The following HIKESHI variants were observed in gnomAD, a reference collection of about 807,000 sequenced individuals.
HIKESHI encodes the protein protein Hikeshi.
In HIKESHI, 13 loss-of-function variants were observed where a neutral mutation model predicts 25.7. The observed-to-expected ratio is 0.51, with a 90% confidence interval of 0.33 to 0.80. HIKESHI has a LOEUF of 0.80. Ranked by LOEUF, HIKESHI falls within the 30% of genes least tolerant of loss-of-function variation. HIKESHI has a pLI of 0.02. For missense variants in HIKESHI, 174 were observed against 229.5 expected (o/e 0.76, Z 1.56); for synonymous variants, 76 against 78.7 (o/e 0.97, Z 0.18).
intron 1 of HIKESHI, chr11:86,303,652 C>A (rs756950863): frequency 6.6e-6 from 1 of 152,418 alleles, no homozygotes; most frequent in East Asian, 1.9e-4. Flanking sequence ...ATGGTAATAC[C>A]TGCCTCTATA....
At chr11:86,310,990 C>T (rs1021921230) in intron 2 of HIKESHI, among the ~76,000 whole-genome samples, 2 of 152,078 alleles carry the variant, frequency 1.3e-5, no homozygotes, top group Non-Finnish European at 2.9e-5. Context: ...ATTTTTGCAT[C>T]GATGTTCATC....
At chr11:86,320,389 C>G (rs927878298) in intron 2 of HIKESHI, among the ~76,000 whole-genome samples, 3 of 152,138 alleles carry the variant, frequency 2.0e-5, no homozygotes, top group Non-Finnish European at 2.9e-5. Context: ...ACCAGCCTGG[C>G]TAACGTGGTG....
chr11:86,316,935 A>C (rs1453021913), intron 2 of HIKESHI, among the ~76,000 whole-genome samples: 1 of 151,602 alleles, frequency 6.6e-6, no homozygotes, highest in South Asian at 2.1e-4. Context: ...CTGGGACTAC[A>C]GGTGACCACC....
chr11:86,318,205 G>A (rs2138337958), intron 2 of HIKESHI, among the ~76,000 whole-genome samples: 1 of 150,154 alleles, frequency 6.7e-6, no homozygotes, highest in African/African-American at 2.5e-5. Context: ...TTGAGAGGCT[G>A]AGGCAGGAGA....
intron 2 of HIKESHI, among the ~76,000 whole-genome samples, chr11:86,318,803 A>G (rs895044442): frequency 1.6e-4 from 24 of 152,182 alleles, no homozygotes; most frequent in Admixed American, 1.4e-3. Context: ...CCCTTTTCAT[A>G]TTATTTGAGA....
At chr11:86,342,869 T>C (rs1013282539) in intron 3 of HIKESHI, among the ~76,000 whole-genome samples, 3 of 152,186 alleles carry the variant, frequency 2.0e-5, no homozygotes, top group Admixed American at 6.5e-5. Flanking sequence ...AAAATATGTA[T>C]AGGTATTCTT....
In HIKESHI at chr11:86,326,566, G is replaced by A. The variant is rs533153170; in HGVS notation, c.269-10813G>A. 5 of 456,122 alleles carry A rather than the reference G, an allele frequency of 1.1e-5. No homozygotes were observed. The East Asian group carries it at 3.5e-4, about 32-fold the overall frequency. 28.3% of individuals were successfully genotyped at this position (456,122 alleles called of 1,614,324 possible). ...ACTTTCAACATCTGCATGTGTGTGT[G>A]AATATTAAATATCACACCAAGACAT... On this transcript the variant is annotated intron_variant, in intron 2 of 4. Coordinates refer to ENST00000278483, the MANE Select transcript of HIKESHI (RefSeq NM_016401.4).
chr11:86,323,668 T>G (rs1437894309), intron 2 of HIKESHI, among the ~76,000 whole-genome samples: 2 of 152,252 alleles, frequency 1.3e-5, no homozygotes, highest in African/African-American at 4.8e-5. Flanking sequence ...GTGAAAATGT[T>G]CTATCCTTTT....
chr11:86,338,126 A>T (rs1026826921), intron 3 of HIKESHI, among the ~76,000 whole-genome samples: 10 of 152,158 alleles, frequency 6.6e-5, no homozygotes, highest in African/African-American at 2.4e-4. Flanking sequence ...GAATTTATTC[A>T]TTCCATTGAA....
intron 2 of HIKESHI, among the ~76,000 whole-genome samples, chr11:86,325,205 A>G (rs185949744): frequency 6.6e-6 from 1 of 152,024 alleles, no homozygotes; most frequent in East Asian, 1.9e-4. Context: ...AAAAGAGAAA[A>G]ATTTTGGCAG....
At chr11:86,339,099 G>A (rs553619649) in intron 3 of HIKESHI, among the ~76,000 whole-genome samples, 1 of 152,218 alleles carries the variant, frequency 6.6e-6, no homozygotes, top group African/African-American at 2.4e-5. Flanking sequence ...AGGCTGGAGT[G>A]CAGTGGCGCG....
chr11:86,331,467 C>G (rs1304849971), intron 2 of HIKESHI, among the ~76,000 whole-genome samples: 1 of 152,078 alleles, frequency 6.6e-6, no homozygotes, highest in South Asian at 2.1e-4. Context: ...CCAGCCTGGA[C>G]AACAAAGCTA....
intron 2 of HIKESHI, among the ~76,000 whole-genome samples, chr11:86,321,781 C>T (rs1441345484): frequency 1.3e-5 from 2 of 152,142 alleles, no homozygotes; most frequent in African/African-American, 2.4e-5. Context: ...CTGCCTGCCT[C>T]AGCCTCCCAA....
chr11:86,324,986 C>G (rs1375008964), intron 2 of HIKESHI, among the ~76,000 whole-genome samples: 5 of 151,932 alleles, frequency 3.3e-5, no homozygotes, highest in Non-Finnish European at 7.4e-5. Flanking sequence ...CCAGACCAAC[C>G]TGCGTAACAC....
At chr11:86,322,794 CA>C (rs202116179) in intron 2 of HIKESHI, among the ~76,000 whole-genome samples, 2 of 151,836 alleles carry the variant, frequency 1.3e-5, no homozygotes, top group South Asian at 2.1e-4. Flanking sequence ...AGGAATCTGT[CA>C]AAAAAATTTT....
chr11:86,337,224 C>T (rs1442376088), intron 2 of HIKESHI, among the ~76,000 whole-genome samples, 155 bp from the exon 3 acceptor site: 5 of 152,032 alleles, frequency 3.3e-5, no homozygotes, highest in Non-Finnish European at 7.4e-5. Context: ...ATGCTAAAAA[C>T]GAAGTAGGCT....
intron 2 of HIKESHI, chr11:86,326,743 A>C (rs1947292249): frequency 3.0e-6 from 1 of 333,322 alleles, no homozygotes; most frequent in Non-Finnish European, 5.9e-6. Flanking sequence ...AAGTCATAAA[A>C]CTAGAAATAT....
chr11:86,329,493 C>A (rs962309401), intron 2 of HIKESHI, among the ~76,000 whole-genome samples: 3 of 151,436 alleles, frequency 2.0e-5, no homozygotes, highest in Non-Finnish European at 4.4e-5. Flanking sequence ...GCTCTAGTAG[C>A]TTTAGGATTT....
At chr11:86,324,405 A>G (rs1223557872) in intron 2 of HIKESHI, 8 of 152,208 alleles carry the variant, frequency 5.3e-5, no homozygotes, top group Non-Finnish European at 1.2e-4. Context: ...TCAGGGCAAT[A>G]TTTGTGATGG....
Sources: gnomAD v4.1 joint callset for allele counts (sites outside exome capture counted in the v4.1 genomes callset) on GRCh38, gnomAD v4.1.1 for gene constraint, MANE v1.5 for transcripts, NCBI Gene and HGNC (gene_info 2026-07-23, HGNC 2026-07-21) for gene names.